The following CCDC91 variants were observed in gnomAD, a reference collection of about 807,000 sequenced individuals.
CCDC91 encodes the protein coiled-coil domain containing 91.
A neutral mutation model predicts 63.2 loss-of-function variants in CCDC91; 48 were observed. The ratio of observed to expected loss-of-function variants is 0.76; its 90% CI spans 0.60 to 0.97. The LOEUF (loss-of-function observed/expected upper bound fraction) is 0.97, where lower values mean the gene tolerates loss of function less well. Ranked by LOEUF, CCDC91 falls within the 50% of genes least tolerant of loss-of-function variation. The probability of loss-of-function intolerance (pLI) is 0.00; values close to 1 mark genes in which losing one functional copy is unlikely to be tolerated. For missense variants in CCDC91, 500 were observed against 494.6 expected (o/e 1.01, Z -0.10); for synonymous variants, 167 against 165.8 (o/e 1.01, Z -0.06).
chr12:28,507,450 TCA>T (rs1276364820), intron 12 of CCDC91, among the ~76,000 whole-genome samples: 2 of 152,002 alleles, frequency 1.3e-5, no homozygotes, highest in Non-Finnish European at 2.9e-5. Context: ...GACTTCAAAA[TCA>T]CTGCCAGTTT....
intron 7 of CCDC91, among the ~76,000 whole-genome samples, chr12:28,367,594 A>G (rs1157773246): frequency 6.6e-6 from 1 of 152,182 alleles, no homozygotes; most frequent in Non-Finnish European, 1.5e-5. Context: ...TTAGCTCACA[A>G]TTTCCCAAAT....
At chr12:28,416,397 C>G (rs1306651396) in intron 8 of CCDC91, among the ~76,000 whole-genome samples, 1 of 151,982 alleles carries the variant, frequency 6.6e-6, no homozygotes, top group Non-Finnish European at 1.5e-5. Flanking sequence ...AAAAACTATT[C>G]TGACACTTTT....
intron 6 of CCDC91, among the ~76,000 whole-genome samples, chr12:28,338,018 C>G (rs1284558092): frequency 3.3e-5 from 5 of 151,978 alleles, no homozygotes; most frequent in Non-Finnish European, 4.4e-5. Flanking sequence ...GTTCTGAACC[C>G]AAGAGACAGA....
intron 8 of CCDC91, among the ~76,000 whole-genome samples, chr12:28,445,106 T>G (rs547702368): frequency 5.9e-5 from 9 of 152,332 alleles, no homozygotes; most frequent in African/African-American, 2.2e-4. Context: ...AGGAGTGCTA[T>G]CTAACACTTA....
intron 3 of CCDC91, among the ~76,000 whole-genome samples, chr12:28,267,796 A>T (rs1254463700): frequency 4.0e-4 from 14 of 35,436 alleles, no homozygotes; most frequent in South Asian, 7.2e-4. Context: ...AATTATATAT[A>T]ATTATATAGT....
intron 1 of CCDC91, among the ~76,000 whole-genome samples, chr12:28,243,743 A>G (rs1308337878): frequency 6.6e-6 from 1 of 152,212 alleles, no homozygotes; most frequent in Non-Finnish European, 1.5e-5. Context: ...GGAAAATATT[A>G]CTTGTAAAAA....
intron 12 of CCDC91, among the ~76,000 whole-genome samples, chr12:28,520,041 A>G (rs1163124034): frequency 6.6e-6 from 1 of 152,088 alleles, no homozygotes; most frequent in Non-Finnish European, 1.5e-5. Context: ...ATACCTGTGC[A>G]TGTGTCTTTA....
chr12:28,231,889 C>A (rs1006946288), intron 1 of CCDC91, among the ~76,000 whole-genome samples: 2 of 151,980 alleles, frequency 1.3e-5, no homozygotes, highest in African/African-American at 4.8e-5. Flanking sequence ...GGTGATTTTC[C>A]CAGCTGTAAA....
At chr12:28,357,984 T>C (rs1022616036) in intron 6 of CCDC91, among the ~76,000 whole-genome samples, 1 of 152,148 alleles carries the variant, frequency 6.6e-6, no homozygotes, top group African/African-American at 2.4e-5. Context: ...AGTATGACTA[T>C]TTGGTTATTC....
At chr12:28,343,197 AATATAT>A (rs10566510) in intron 6 of CCDC91, among the ~76,000 whole-genome samples, 6 of 145,682 alleles carry the variant, frequency 4.1e-5, no homozygotes, top group Non-Finnish European at 1.5e-5. Flanking sequence ...TATATTGTGT[AATATAT>A]ATATATATAT....
intron 12 of CCDC91, among the ~76,000 whole-genome samples, chr12:28,512,660 A>C (rs1461208129): frequency 3.3e-5 from 5 of 151,860 alleles, no homozygotes; most frequent in Admixed American, 3.3e-4. Context: ...ATGGCCTACT[A>C]AGCCTGAAAT....
intron 3 of CCDC91, among the ~76,000 whole-genome samples, chr12:28,304,171 G>A (rs1938391328): frequency 6.6e-6 from 1 of 151,664 alleles, no homozygotes; most frequent in Non-Finnish European, 1.5e-5. Context: ...GAGGTCAGGA[G>A]ATCGAGACTA....
intron 6 of CCDC91, among the ~76,000 whole-genome samples, chr12:28,356,160 G>A (rs1026975502): frequency 8.5e-5 from 13 of 152,210 alleles, no homozygotes; most frequent in African/African-American, 2.2e-4. Flanking sequence ...CAATGTAGAG[G>A]TGGAGACTAA....
intron 11 of CCDC91, among the ~76,000 whole-genome samples, chr12:28,460,789 ATCTG>A (rs1950266506): frequency 7.0e-6 from 1 of 143,268 alleles, no homozygotes; most frequent in African/African-American, 2.4e-5. Flanking sequence ...ATATAAATAT[ATCTG>A]TATGTGTGTG....
At chr12:28,421,818 C>T (rs1342275825) in intron 8 of CCDC91, among the ~76,000 whole-genome samples, 1 of 152,086 alleles carries the variant, frequency 6.6e-6, no homozygotes, top group African/African-American at 2.4e-5. Flanking sequence ...CAGCCAATCT[C>T]CCCCTTTTCC....
chr12:28,463,650 C>T (rs1950413734), intron 11 of CCDC91, among the ~76,000 whole-genome samples: 1 of 152,156 alleles, frequency 6.6e-6, no homozygotes, highest in Non-Finnish European at 1.5e-5. Context: ...TGAAACCAAA[C>T]ATGTCTCTAA....
chr12:28,204,883 G>A (rs1436717327), intron 1 of CCDC91, among the ~76,000 whole-genome samples: 2 of 152,080 alleles, frequency 1.3e-5, no homozygotes, highest in African/African-American at 2.4e-5. Flanking sequence ...ATACTTATAC[G>A]CAATTATAGG....
chr12:28,483,485 G>A (rs1370143966), intron 11 of CCDC91, among the ~76,000 whole-genome samples: 6 of 151,876 alleles, frequency 4.0e-5, no homozygotes, highest in Admixed American at 1.3e-4. Flanking sequence ...TTCAATAAAC[G>A]GAGAGTACCA....
At chr12:28,242,918 T>C (rs7138497) in intron 1 of CCDC91, among the ~76,000 whole-genome samples, 43,876 of 151,912 alleles carry the variant, frequency 0.29, 6,741 homozygotes, top group East Asian at 0.57. Flanking sequence ...ACTTCTGACA[T>C]GTAAGAGGTG....
Sources: gnomAD v4.1 joint callset for allele counts (sites outside exome capture counted in the v4.1 genomes callset) on GRCh38, gnomAD v4.1.1 for gene constraint, MANE v1.5 for transcripts, NCBI Gene and HGNC (gene_info 2026-07-23, HGNC 2026-07-21) for gene names.